Variants in P2RY11 observed in about 807,000 individuals in gnomAD.
P2RY11 encodes the protein purinergic receptor P2Y11, also known as P2Y purinoceptor 11.
Under a neutral mutation model 2.4 loss-of-function variants are expected in P2RY11, and 3 were observed. The observed-to-expected ratio is 1.22, with a 90% CI of 0.56 to 3.17. P2RY11 has a LOEUF of 3.17. Among genes scored for constraint, P2RY11 ranks in the 30% most tolerant of loss-of-function variants. The probability of loss-of-function intolerance (pLI) is 0.03; values close to 1 mark genes in which losing one functional copy is unlikely to be tolerated. For missense variants in P2RY11, 670 were observed against 528.2 expected (o/e 1.27, Z -2.63); for synonymous variants, 307 against 237.3 (o/e 1.29, Z -2.70).
In P2RY11 at chr19:10,114,570, A is replaced by C. The variant is rs888903652; in HGVS notation, c.957A>C (p.Leu319=). 6 of 1,612,280 alleles carry C rather than the reference A, an allele frequency of 3.7e-6. No individual in the cohort carries two copies. Among genetic ancestry groups the C allele is most frequent in the Admixed American group, 3.3e-5 (2 of 59,936 alleles). The change falls in exon 2 of 2, where the codon CTA becomes CTC. Residue 319 remains leucine, a synonymous_variant. Transcript: ENST00000321826. The part of the protein sequence containing the change: ...LMPLAFCVHP[L]LYMAAVPSLG... ...CCCTGGCCTTCTGTGTCCACCCTCTACTCTACATGGCCGCAGTGCCCAGCC... is the reference window on the plus strand; with the variant it reads ...CCCTGGCCTTCTGTGTCCACCCTCTCCTCTACATGGCCGCAGTGCCCAGCC...
At position 10,114,406 on chromosome 19, in the gene P2RY11, C is replaced by T. The variant is rs532931575; in HGVS notation, c.793C>T (p.His265Tyr). ...ALYASSYVPYHIMRVLNVDAR... is the reference protein window; with the variant it reads ...ALYASSYVPYYIMRVLNVDAR... ...CTACGCCAGCTCCTATGTGCCCTAC[C>T]ACATCATGCGGGTGCTCAACGTGGA... The change falls in exon 2 of 2, where the codon CAC (histidine) becomes TAC (tyrosine). Residue 265 changes from histidine (H) to tyrosine (Y), a missense_variant. Coordinates refer to ENST00000321826, the MANE Select transcript of P2RY11 (RefSeq NM_002566.5). The T allele has an allele frequency of 4.3e-6, 7 of 1,610,584 alleles. No individual in the cohort carries two copies. The highest frequency in any genetic ancestry group is 2.2e-5 in the South Asian group (2 of 91,088).
intron 1 of P2RY11, among the ~76,000 whole-genome samples, 188 bp downstream of exon 1, chr19:10,111,928 G>A (rs554384325): frequency 6.6e-6 from 1 of 152,282 alleles, no homozygotes; most frequent in South Asian, 2.1e-4. Flanking sequence ...TGACCAACAA[G>A]GAGAAACCCC....
chr19:10,115,299 C>A lies in P2RY11; in HGVS notation c.*561C>A, dbSNP rs2089222200. Reference sequence around the variant, plus strand: ...GGCCTGGTCCACGGACTGGCAGGGACCCCAGGCACAAGAGCTGCCACCCCT... The same window carrying A: ...GGCCTGGTCCACGGACTGGCAGGGAACCCAGGCACAAGAGCTGCCACCCCT... On this transcript the variant is annotated 3_prime_UTR_variant, in exon 2 of 2. Transcript: ENST00000321826. 3.6e-6 allele frequency: 4 copies of A among 1,112,588 alleles called. No homozygotes were observed. The highest frequency in any genetic ancestry group is 3.8e-6 in the Non-Finnish European group (3 of 791,608). The allele number at this position is 1,112,588 out of a possible 1,614,324, so 68.9% of individuals were successfully genotyped here.
chr19:10,114,907 G>A lies in P2RY11; in HGVS notation c.*169G>A, dbSNP rs1402944998. 21 of 1,391,634 alleles carry A rather than the reference G, an allele frequency of 1.5e-5. No individual in the cohort carries two copies. Among genetic ancestry groups the A allele is most frequent in the East Asian group, 9.9e-5 (4 of 40,342 alleles). The allele number at this position is 1,391,634 out of a possible 1,614,324, so 86.2% of individuals were successfully genotyped here. ...AGCAGTCGCCTTTCCCACCCACAGC[G>A]CTGGCCACAGGGCTCCCTGCAGGGT... On this transcript the variant is annotated 3_prime_UTR_variant, in exon 2 of 2. Transcript: ENST00000321826.
chr19:10,113,675 A>AAAG lies in P2RY11; in HGVS notation c.62_63insAAG (p.Asp21delinsGluSer). 1 of 1,612,796 alleles carries AAAG rather than the reference A, an allele frequency of 6.2e-7. No homozygotes were observed. Among genetic ancestry groups the AAAG allele is most frequent in the Non-Finnish European group, 8.5e-7 (1 of 1,179,160 alleles). On this transcript the variant is annotated protein_altering_variant, in exon 2 of 2. Coordinates refer to ENST00000321826, the MANE Select transcript of P2RY11 (RefSeq NM_002566.5). ...GCCAACTTCTTGGCAGCTGCCGACG[A>AAAG]CAAACTCAGTGGGTTCCAGGGGGAC... is the stretch of plus-strand genomic sequence containing the variant.
rs774342796 is a variant in P2RY11, at chr19:10,114,611, G to A, written c.998G>A (p.Arg333Gln). Residue 333 changes from arginine (R) to glutamine (Q), a missense_variant, in exon 2 of 2, where the codon CGA becomes CAA. Coordinates refer to ENST00000321826, the MANE Select transcript of P2RY11 (RefSeq NM_002566.5). Reference protein sequence around the residue: ...AAVPSLGCCCRHCPGYRDSWN... With the variant: ...AAVPSLGCCCQHCPGYRDSWN... ...GTGCCCAGCCTGGGCTGCTGCTGCC[G>A]ACACTGCCCCGGCTACAGGGACAGC... is the stretch of plus-strand genomic sequence containing the variant. The A allele has an allele frequency of 2.9e-5, 47 of 1,613,818 alleles. No individual in the cohort carries two copies. The highest frequency in any genetic ancestry group is 2.8e-4 in the Admixed American group (17 of 60,000).
At position 10,113,904 on chromosome 19, in the gene P2RY11, T is replaced by A; in HGVS notation, c.291T>A (p.Tyr97Ter). The change falls in exon 2 of 2, where the codon TAT (tyrosine) becomes TAA (stop). Residue 97 changes from tyrosine (Y) to a stop codon, truncating the protein, a stop_gained. Transcript: ENST00000321826. LOFTEE classifies it low-confidence loss of function (END_TRUNC). ...TCTATCCCCCCAAGCACTGGCGCTATGGGGAGGCCGCGTGCCGCCTGGAGC... is the reference window on the plus strand; with the variant it reads ...TCTATCCCCCCAAGCACTGGCGCTAAGGGGAGGCCGCGTGCCGCCTGGAGC... ...AYLYPPKHWR[Y>*]GEAACRLERF... is the part of the protein sequence containing the mutation. The A allele has an allele frequency of 1.2e-6, 2 of 1,607,020 alleles. No homozygotes were observed. The highest frequency in any genetic ancestry group is 1.7e-6 in the Non-Finnish European group (2 of 1,179,796).
intron 1 of P2RY11, among the ~76,000 whole-genome samples, 185 bp downstream of exon 1, chr19:10,111,925 CA>C (rs2145214260): frequency 6.6e-6 from 1 of 152,160 alleles, no homozygotes; most frequent in African/African-American, 2.4e-5. Flanking sequence ...CCCTGACCAA[CA>C]AGGAGAAACC....
chr19:10,115,170 C>T lies in P2RY11; in HGVS notation c.*432C>T. ...GTGGCAGGTATAAGACTTCTGGGGG[C>T]ACCCCAAGACCCCAGACACCCAAGT... On this transcript the variant is annotated 3_prime_UTR_variant, in exon 2 of 2. Transcript: ENST00000321826. 1 of 1,610,170 alleles carries T rather than the reference C, an allele frequency of 6.2e-7. No homozygotes were observed.
Position 10,114,894 on chromosome 19 carries a change from T to C in P2RY11, c.*156T>C. On this transcript the variant is annotated 3_prime_UTR_variant, in exon 2 of 2. Coordinates refer to ENST00000321826, the MANE Select transcript of P2RY11 (RefSeq NM_002566.5). ...CAGCCCAGGCAGGAGCAGTCGCCTTTCCCACCCACAGCGCTGGCCACAGGG... is the reference window on the plus strand; with the variant it reads ...CAGCCCAGGCAGGAGCAGTCGCCTTCCCCACCCACAGCGCTGGCCACAGGG... 7.1e-7 allele frequency: 1 copy of C among 1,412,230 alleles called. No homozygotes were observed. The highest frequency in any genetic ancestry group is 9.5e-7 in the Non-Finnish European group (1 of 1,054,546). The allele number at this position is 1,412,230 out of a possible 1,614,324, so 87.5% of individuals were successfully genotyped here.
Position 10,114,897 on chromosome 19 carries a change from C to G in P2RY11, c.*159C>G. On this transcript the variant is annotated 3_prime_UTR_variant, in exon 2 of 2. Coordinates refer to ENST00000321826, the MANE Select transcript of P2RY11 (RefSeq NM_002566.5). ...CCCAGGCAGGAGCAGTCGCCTTTCC[C>G]ACCCACAGCGCTGGCCACAGGGCTC... The G allele has an allele frequency of 7.1e-7, 1 of 1,406,326 alleles. No individual in the cohort carries two copies. Among genetic ancestry groups the G allele is most frequent in the Non-Finnish European group, 9.5e-7 (1 of 1,049,032 alleles). 87.1% of individuals were successfully genotyped at this position (1,406,326 alleles called of 1,614,324 possible). A position where few individuals can be genotyped will look rare whatever the true frequency, so the allele number is the denominator to read the frequency against.
chr19:10,115,095 G>A lies in P2RY11; in HGVS notation c.*357G>A. 6.2e-7 allele frequency: 1 copy of A among 1,614,010 alleles called. No individual in the cohort carries two copies. Among genetic ancestry groups the A allele is most frequent in the Non-Finnish European group, 8.5e-7 (1 of 1,180,010 alleles). ...TCTGTCGCCAAGGGTCCCGGACCGA[G>A]TACACAGTGGCAGCTGGCTTAGTTG... On this transcript the variant is annotated 3_prime_UTR_variant, in exon 2 of 2. Transcript: ENST00000321826.
At chr19:10,112,035 G>A (rs532410638) in intron 1 of P2RY11, 32 of 345,424 alleles carry the variant, frequency 9.3e-5, no homozygotes, top group Middle Eastern at 8.9e-4. Flanking sequence ...ACTTAAACCC[G>A]GGAGGCGGAG....
At chr19:10,111,862 A>C in intron 1 of P2RY11, 122 bp downstream of exon 1, 1 of 1,204,082 alleles carries the variant, frequency 8.3e-7, no homozygotes, top group South Asian at 1.3e-5. Context: ...CTGTAATCCC[A>C]GCACTTTGGG....
Position 10,115,045 on chromosome 19 carries a change from G to C in P2RY11, c.*307G>C, listed in dbSNP as rs2089214408. 6.2e-7 allele frequency: 1 copy of C among 1,605,478 alleles called. No homozygotes were observed. The highest frequency in any genetic ancestry group is 8.5e-7 in the Non-Finnish European group (1 of 1,174,792). On this transcript the variant is annotated 3_prime_UTR_variant, in exon 2 of 2. Transcript: ENST00000321826. ...GAGTGGAGCTGCTTTATTGCCCTTG[G>C]AGCCCGCGCTCTCGGAGGCTGTCTT... is the stretch of plus-strand genomic sequence containing the variant.
At position 10,114,759 on chromosome 19, in the gene P2RY11, C is replaced by T. The variant is rs756063409; in HGVS notation, c.*21C>T. ...AATGATGTGGCCTAGCGGAAGCTGCCTCCTCACCCTAGGTGTTGCTGGAGA... is the reference window on the plus strand; with the variant it reads ...AATGATGTGGCCTAGCGGAAGCTGCTTCCTCACCCTAGGTGTTGCTGGAGA... On this transcript the variant is annotated 3_prime_UTR_variant, in exon 2 of 2. Coordinates refer to ENST00000321826, the MANE Select transcript of P2RY11 (RefSeq NM_002566.5). 5 of 1,580,588 alleles carry T rather than the reference C, an allele frequency of 3.2e-6. No individual in the cohort carries two copies. In the Admixed American group the frequency reaches 5.2e-5, roughly 17 times the overall value.
At chr19:10,112,667 G>A (rs1269324866) in intron 1 of P2RY11, among the ~76,000 whole-genome samples, 5 of 152,162 alleles carry the variant, frequency 3.3e-5, no homozygotes, top group African/African-American at 4.8e-5. Flanking sequence ...GGCTGGGCAC[G>A]GTGGCTCACA....
chr19:10,113,532 C>T lies in P2RY11; in HGVS notation c.20-101C>T, dbSNP rs759143110. 2.3e-4 allele frequency: 342 copies of T among 1,497,216 alleles called. 1 individual carries two copies. The highest frequency in any genetic ancestry group is 4.1e-4 in the South Asian group (31 of 74,960). 92.7% of individuals were successfully genotyped at this position (1,497,216 alleles called of 1,614,324 possible). On this transcript the variant is annotated intron_variant, in intron 1 of 1. Coordinates refer to ENST00000321826, the MANE Select transcript of P2RY11 (RefSeq NM_002566.5). Reference sequence around the variant, plus strand: ...CCCCCTCCAGGGAGGGGAAAGAACTCGTGTCCAGGGATCCACGCCATGGCA... The same window carrying T: ...CCCCCTCCAGGGAGGGGAAAGAACTTGTGTCCAGGGATCCACGCCATGGCA...
In P2RY11 at chr19:10,115,037, T is replaced by A; in HGVS notation, c.*299T>A. ...AGTAGAGAGAGTGGAGCTGCTTTAT[T>A]GCCCTTGGAGCCCGCGCTCTCGGAG... On this transcript the variant is annotated 3_prime_UTR_variant, in exon 2 of 2. Coordinates refer to ENST00000321826, the MANE Select transcript of P2RY11 (RefSeq NM_002566.5). 2 of 1,596,608 alleles carry A rather than the reference T, an allele frequency of 1.3e-6. No homozygotes were observed. Among genetic ancestry groups the A allele is most frequent in the Non-Finnish European group, 1.7e-6 (2 of 1,168,208 alleles).
Sources: gnomAD v4.1 joint callset for allele counts (sites outside exome capture counted in the v4.1 genomes callset) on GRCh38, gnomAD v4.1.1 for gene constraint, MANE v1.5 for transcripts, NCBI Gene and HGNC (gene_info 2026-07-23, HGNC 2026-07-21) for gene names.